Variants in PLA2G4C observed in about 807,000 individuals in gnomAD.
The protein encoded by PLA2G4C is phospholipase A2 group IVC.
PLA2G4C carries 64 observed loss-of-function variants against 73.8 expected under a neutral mutation model. The observed-to-expected ratio is 0.87, with a 90% CI of 0.71 to 1.07. The LOEUF (loss-of-function observed/expected upper bound fraction) is 1.07. PLA2G4C is among the 50% of genes least tolerant of loss of function. PLA2G4C has a pLI of 0.00. For missense variants in PLA2G4C, 622 were observed against 665.4 expected (o/e 0.93, Z 0.72); for synonymous variants, 254 against 252.1 (o/e 1.01, Z -0.07).
At chr19:48,074,593 G>A (rs2030007385) in intron 12 of PLA2G4C, 174 bp downstream of exon 12, 1 of 621,218 alleles carries the variant, frequency 1.6e-6, no homozygotes, top group African/African-American at 1.8e-5. Flanking sequence ...AATTTACATT[G>A]GGGGATTACA....
chr19:48,069,775 A>T (rs1383725832), intron 12 of PLA2G4C, among the ~76,000 whole-genome samples: 2 of 150,902 alleles, frequency 1.3e-5, no homozygotes, highest in Admixed American at 1.3e-4. Context: ...TTATTTATTT[A>T]TTTTTTCTTG....
chr19:48,048,151 C>T lies in PLA2G4C; in HGVS notation c.*192G>A, dbSNP rs997768939. On this transcript the variant is annotated 3_prime_UTR_variant, in exon 17 of 17. Coordinates refer to ENST00000599921, the MANE Select transcript of PLA2G4C (RefSeq NM_003706.3). Reference sequence around the variant, plus strand: ...ATTTCACCACCTTCAGCTCCTTGGACGCCTTCTTCTGAATGACGCTATCAA... The same window carrying T: ...ATTTCACCACCTTCAGCTCCTTGGATGCCTTCTTCTGAATGACGCTATCAA... The T allele has an allele frequency of 8.3e-5, 46 of 552,484 alleles. No homozygotes were observed. The highest frequency in any genetic ancestry group is 7.8e-4 in the African/African-American group (39 of 50,178). 34.2% of individuals were successfully genotyped at this position (552,484 alleles called of 1,614,324 possible). A position where few individuals can be genotyped will look rare whatever the true frequency, so the allele number is the denominator to read the frequency against.
In PLA2G4C at chr19:48,062,515, C is replaced by T. The variant is rs540941461; in HGVS notation, c.1103-363G>A. Reference sequence around the variant, plus strand: ...ATCACAGCTACTTGGGAGGCTGAGGCAGGAGGATCACTTGAACCCATGAGC... The same window carrying T: ...ATCACAGCTACTTGGGAGGCTGAGGTAGGAGGATCACTTGAACCCATGAGC... On this transcript the variant is annotated intron_variant, in intron 13 of 16. Coordinates refer to ENST00000599921, the MANE Select transcript of PLA2G4C (RefSeq NM_003706.3). 5.9e-5 allele frequency among the ~76,000 whole-genome samples: 9 copies of T among 152,248 alleles called. No homozygotes were observed. The East Asian group carries it at 1.7e-3, about 29-fold the overall frequency.
At chr19:48,070,752 T>A (rs1968625642) in intron 12 of PLA2G4C, among the ~76,000 whole-genome samples, 1 of 149,534 alleles carries the variant, frequency 6.7e-6, no homozygotes, top group Non-Finnish European at 1.5e-5. Flanking sequence ...GAGGGGGCGG[T>A]GGGAGGGAAA....
At chr19:48,103,436 C>G (rs1337695676) in intron 4 of PLA2G4C, 1 of 152,468 alleles carries the variant, frequency 6.6e-6, no homozygotes. Context: ...AGCTCAGAAC[C>G]CAGCTCCAGA....
intron 14 of PLA2G4C, among the ~76,000 whole-genome samples, chr19:48,059,954 A>G (rs1968107053): frequency 6.6e-6 from 1 of 151,778 alleles, no homozygotes; most frequent in Non-Finnish European, 1.5e-5. Context: ...TATTTTTAGT[A>G]GAGACGGGAT....
intron 15 of PLA2G4C, among the ~76,000 whole-genome samples, chr19:48,053,366 T>TTC (rs1967801656): frequency 2.6e-5 from 3 of 116,580 alleles, no homozygotes; most frequent in African/African-American, 9.1e-5. Context: ...CCTTTTTTCT[T>TTC]TTTTTTTTTT....
At chr19:48,089,687 T>C (rs981354083) in intron 8 of PLA2G4C, among the ~76,000 whole-genome samples, 1 of 152,066 alleles carries the variant, frequency 6.6e-6, no homozygotes, top group Non-Finnish European at 1.5e-5. Flanking sequence ...GAAGGGGAAA[T>C]TGGGTCACAG....
chr19:48,071,741 A>C (rs1968667043), intron 12 of PLA2G4C, among the ~76,000 whole-genome samples: 1 of 152,012 alleles, frequency 6.6e-6, no homozygotes, highest in Non-Finnish European at 1.5e-5. Context: ...GAGCCATCAC[A>C]CCTGGCTTTT....
Position 48,110,531 on chromosome 19 carries a change from T to TGCTCCGGAATCCGGTGCCGAGGCTTGG in PLA2G4C, c.-78_-77insCCAAGCCTCGGCACCGGATTCCGGAGC. On this transcript the variant is annotated 5_prime_UTR_variant, in exon 1 of 17. Transcript: ENST00000599921. ...GTGTGCGCATGCGCGGTGGAGCTTG[T>TGCTCCGGAATCCGGTGCCGAGGCTTGG]GCTCCGGAATCCGGTGCGGAGGCTT... is the stretch of plus-strand genomic sequence containing the variant. 1 of 1,386,158 alleles carries TGCTCCGGAATCCGGTGCCGAGGCTTGG rather than the reference T, an allele frequency of 7.2e-7. No individual in the cohort carries two copies. The highest frequency in any genetic ancestry group is 9.5e-7 in the Non-Finnish European group (1 of 1,049,482). The allele number at this position is 1,386,158 out of a possible 1,614,324, so 85.9% of individuals were successfully genotyped here.
intron 13 of PLA2G4C, among the ~76,000 whole-genome samples, chr19:48,065,920 C>A (rs1235831026): frequency 6.6e-6 from 1 of 151,952 alleles, no homozygotes; most frequent in Admixed American, 6.6e-5. Flanking sequence ...ATGGAGAAAC[C>A]CTGTCTCTAC....
rs374952220 is a variant in PLA2G4C, at chr19:48,077,821, C to T, written c.848G>A (p.Arg283Gln). The T allele has an allele frequency of 4.0e-5, 65 of 1,605,506 alleles. No homozygotes were observed. The highest frequency in any genetic ancestry group is 5.1e-5 in the Non-Finnish European group (60 of 1,176,232). The part of the protein sequence containing the change: ...AKSIGHLIFA[R>Q]LLRLQESSQG... Reference sequence around the variant, plus strand: ...TGAACTTTCTTGCAGCCTCAGTAATCGGGCTGCAAAAGAGCAGAGGCAGGG... The same window carrying T: ...TGAACTTTCTTGCAGCCTCAGTAATTGGGCTGCAAAAGAGCAGAGGCAGGG... The change falls in exon 11 of 17, where the codon CGA becomes CAA. Residue 283 changes from arginine (R) to glutamine (Q), a missense_variant. Arg to Gln is a conservative substitution (Grantham distance 43). Coordinates refer to ENST00000599921, the MANE Select transcript of PLA2G4C (RefSeq NM_003706.3).
At chr19:48,058,993 C>G (rs1968066731) in intron 14 of PLA2G4C, among the ~76,000 whole-genome samples, 1 of 152,016 alleles carries the variant, frequency 6.6e-6, no homozygotes, top group Non-Finnish European at 1.5e-5. Context: ...TGTTTATTGG[C>G]CGGGCGTGGT....
At chr19:48,075,486 C>G (rs1228542811) in intron 11 of PLA2G4C, among the ~76,000 whole-genome samples, 1 of 152,020 alleles carries the variant, frequency 6.6e-6, no homozygotes, top group Non-Finnish European at 1.5e-5. Flanking sequence ...TCATGCCTGG[C>G]ATCCCCTCTT....
rs1048275122 is a variant in PLA2G4C, at chr19:48,072,785, A to T, written c.1006+1982T>A. ...GGGAAATCTAGAGTCTGAAGAGAGT[A>T]CACCTTGATTTCCTTTCCTTGGTGA... On this transcript the variant is annotated intron_variant, in intron 12 of 16. Transcript: ENST00000599921. The surrounding 1 kb of genome is among the most constrained non-coding windows in gnomAD (Gnocchi z 4.4). 1.3e-5 allele frequency: 2 copies of T among 152,250 alleles called. No individual in the cohort carries two copies. Among genetic ancestry groups the T allele is most frequent in the African/African-American group, 4.8e-5 (2 of 41,460 alleles). The allele number at this position is 152,250 out of a possible 1,614,324, so 9.4% of individuals were successfully genotyped here. A position where few individuals can be genotyped will look rare whatever the true frequency, so the allele number is the denominator to read the frequency against.
intron 1 of PLA2G4C, chr19:48,108,927 C>T (rs2032358939): frequency 6.6e-6 from 1 of 152,168 alleles, no homozygotes; most frequent in African/African-American, 2.4e-5. Context: ...GAAACTCTGT[C>T]TCAAAACTAA....
intron 4 of PLA2G4C, chr19:48,103,979 A>G (rs141064602): frequency 2.6e-5 from 4 of 152,250 alleles, no homozygotes; most frequent in African/African-American, 7.2e-5. Context: ...TTGTAGCTCA[A>G]TGCAGCCTCA....
intron 14 of PLA2G4C, among the ~76,000 whole-genome samples, chr19:48,058,509 T>G (rs974539820): frequency 2.6e-5 from 4 of 152,126 alleles, no homozygotes; most frequent in African/African-American, 9.7e-5. Flanking sequence ...TTTACTGTCA[T>G]AAGTACCTTC....
chr19:48,079,746 C>T (rs1017156931), intron 10 of PLA2G4C, among the ~76,000 whole-genome samples: 1 of 152,116 alleles, frequency 6.6e-6, no homozygotes. Context: ...CCCAGCTGGG[C>T]GGATCTTCAG....
Sources: allele counts gnomAD v4.1 joint callset (sites outside exome capture counted in the v4.1 genomes callset), GRCh38; gene constraint gnomAD v4.1.1; non-coding constraint Gnocchi (gnomAD v3.1); transcripts MANE v1.5; gene names NCBI Gene and HGNC (gene_info 2026-07-23, HGNC 2026-07-21).